The following MYOCD variants were observed in gnomAD, a reference collection of about 807,000 sequenced individuals.
The protein encoded by MYOCD is myocardin.
A neutral mutation model predicts 96.1 loss-of-function variants in MYOCD; 32 were observed. The observed-to-expected ratio is 0.33, with a 90% confidence interval of 0.25 to 0.45. The LOEUF (loss-of-function observed/expected upper bound fraction) is 0.45, where lower values mean the gene tolerates loss of function less well. MYOCD is among the 20% of genes least tolerant of loss of function. The pLI is 1.00. For missense variants in MYOCD, 1,133 were observed against 1,200.6 expected (o/e 0.94, Z 0.83); for synonymous variants, 469 against 469.0 (o/e 1.00, Z 0.00).
chr17:12,702,733 T>A (rs1435592022), intron 1 of MYOCD, among the ~76,000 whole-genome samples: 1 of 151,976 alleles, frequency 6.6e-6, no homozygotes, highest in African/African-American at 2.4e-5. Flanking sequence ...TACAATATAA[T>A]CATTAACTGT....
At chr17:12,701,561 T>G (rs75143017) in intron 1 of MYOCD, among the ~76,000 whole-genome samples, 53 of 152,316 alleles carry the variant, frequency 3.5e-4, no homozygotes, top group East Asian at 2.5e-3. Context: ...TAATCTTTAT[T>G]ATTTCTTATT....
At chr17:12,712,351 G>T (rs962270557) in intron 2 of MYOCD, among the ~76,000 whole-genome samples, 11 of 152,082 alleles carry the variant, frequency 7.2e-5, no homozygotes, top group East Asian at 5.8e-4. Context: ...AGAAGTCAGG[G>T]TCTGCACCAG....
In MYOCD at chr17:12,758,161, C is replaced by T. The variant is rs577950524; in HGVS notation, c.2279C>T (p.Ser760Leu). The change falls in exon 12 of 14, where the codon TCA becomes TTA. Residue 760 changes from serine (S) to leucine (L), a missense_variant. Transcript: ENST00000425538. Reference sequence around the variant, plus strand: ...TCCCCAACTTTTTCTAAGTCAAGTTCAGCAATTTCAGAGGTAACACAGCCT... The same window carrying T: ...TCCCCAACTTTTTCTAAGTCAAGTTTAGCAATTTCAGAGGTAACACAGCCT... The part of the protein sequence containing the change: ...IPSPTFSKSS[S>L]AISEVTQPPS... The T allele has an allele frequency of 3.1e-6, 5 of 1,614,146 alleles. No homozygotes were observed. The African/African-American group carries it at 5.3e-5, about 17-fold the overall frequency.
Position 12,762,978 on chromosome 17 carries a change from G to A in MYOCD, c.2390-95G>A, listed in dbSNP as rs536481153. ...GGTGGTGAGCGGTGACCAGGGAAGC[G>A]TGGCCATCTTCTGTATCTAAGTGTA... On this transcript the variant is annotated intron_variant, in intron 13 of 13. Coordinates refer to ENST00000425538, the MANE Select transcript of MYOCD (RefSeq NM_001146312.3). The A allele has an allele frequency of 1.5e-3, 1,502 of 1,018,376 alleles. 4 individuals are homozygous for A. The highest frequency in any genetic ancestry group is 2.0e-3 in the Non-Finnish European group (1,368 of 692,072). 63.1% of individuals were successfully genotyped at this position (1,018,376 alleles called of 1,614,324 possible).
chr17:12,712,210 G>C (rs1760495219), intron 2 of MYOCD, among the ~76,000 whole-genome samples: 1 of 152,142 alleles, frequency 6.6e-6, no homozygotes, highest in South Asian at 2.1e-4. Flanking sequence ...TGCTGGTCCG[G>C]AAGCTGCACT....
At chr17:12,735,770 G>A (rs1348168651) in intron 5 of MYOCD, among the ~76,000 whole-genome samples, 2 of 152,084 alleles carry the variant, frequency 1.3e-5, no homozygotes, top group African/African-American at 2.4e-5. Context: ...ATCTCTCATC[G>A]TAAAACCCGA....
intron 5 of MYOCD, among the ~76,000 whole-genome samples, chr17:12,727,770 A>T (rs2032042370): frequency 6.6e-6 from 1 of 152,068 alleles, no homozygotes; most frequent in African/African-American, 2.4e-5. Context: ...GACTGTCCCT[A>T]CCCTGGGATT....
chr17:12,766,491 A>C lies in MYOCD; in HGVS notation c.*2847A>C, dbSNP rs2033343999. The C allele has an allele frequency of 6.6e-6, 1 of 152,202 alleles. No homozygotes were observed. The highest frequency in any genetic ancestry group is 2.1e-4 in the South Asian group (1 of 4,830). 9.4% of individuals were successfully genotyped at this position (152,202 alleles called of 1,614,324 possible). On this transcript the variant is annotated 3_prime_UTR_variant, in exon 14 of 14. Coordinates refer to ENST00000425538, the MANE Select transcript of MYOCD (RefSeq NM_001146312.3). ...CAAACCGCATTCACCCTCTCTCTTCATAGCTCAGACATGAAATTTGAGGGA... is the reference window on the plus strand; with the variant it reads ...CAAACCGCATTCACCCTCTCTCTTCCTAGCTCAGACATGAAATTTGAGGGA...
intron 5 of MYOCD, among the ~76,000 whole-genome samples, chr17:12,729,907 C>T (rs962552063): frequency 3.3e-5 from 5 of 152,122 alleles, no homozygotes; most frequent in African/African-American, 1.2e-4. Context: ...CTTTTCCTGA[C>T]TTGTGTGGCC....
intron 5 of MYOCD, among the ~76,000 whole-genome samples, chr17:12,734,223 G>A (rs1280508340): frequency 6.6e-6 from 1 of 152,128 alleles, no homozygotes; most frequent in Admixed American, 6.5e-5. Flanking sequence ...ATCAGAGAAG[G>A]TCCACATGCA....
chr17:12,763,433 C>T lies in MYOCD; in HGVS notation c.2750C>T (p.Ser917Leu). ...CTCTCTCCAATGCAGACACAGTTTT[C>T]ACCCTCTTCTGTGGACAGCAATGGG... ...GPLSPMQTQFSPSSVDSNGLQ... is the reference protein window; with the variant it reads ...GPLSPMQTQFLPSSVDSNGLQ... The change falls in exon 14 of 14, where the codon TCA becomes TTA. Residue 917 changes from serine to leucine, a missense_variant. Physicochemically the swap from Ser to Leu is moderately radical, Grantham distance 145. Coordinates refer to ENST00000425538, the MANE Select transcript of MYOCD (RefSeq NM_001146312.3). 6.2e-7 allele frequency: 1 copy of T among 1,613,248 alleles called. No individual in the cohort carries two copies. The highest frequency in any genetic ancestry group is 8.5e-7 in the Non-Finnish European group (1 of 1,179,532).
At chr17:12,738,464 C>T (rs780863214) in intron 6 of MYOCD, among the ~76,000 whole-genome samples, 1 of 152,136 alleles carries the variant, frequency 6.6e-6, no homozygotes, top group Non-Finnish European at 1.5e-5. Flanking sequence ...CACACAAACA[C>T]ACACACAGAC....
At chr17:12,729,611 CTT>C (rs1186492458) in intron 5 of MYOCD, among the ~76,000 whole-genome samples, 2 of 151,760 alleles carry the variant, frequency 1.3e-5, no homozygotes, top group East Asian at 1.9e-4. Flanking sequence ...AGTTTTTGCT[CTT>C]GTCGCCCAGG....
At chr17:12,683,345 G>A (rs2029902134) in intron 1 of MYOCD, among the ~76,000 whole-genome samples, 1 of 152,148 alleles carries the variant, frequency 6.6e-6, no homozygotes, top group South Asian at 2.1e-4. Context: ...CGTTTCAGAA[G>A]AGAATAAAAG....
At chr17:12,729,547 C>G (rs902221879) in intron 5 of MYOCD, among the ~76,000 whole-genome samples, 1 of 151,722 alleles carries the variant, frequency 6.6e-6, no homozygotes, top group Non-Finnish European at 1.5e-5. Context: ...TGAGGAGCAT[C>G]CTGTCAAAGA....
At chr17:12,729,123 T>C (rs1436038241) in intron 5 of MYOCD, among the ~76,000 whole-genome samples, 1 of 152,232 alleles carries the variant, frequency 6.6e-6, no homozygotes, top group African/African-American at 2.4e-5. Flanking sequence ...TAGGGCTGTT[T>C]GCTTTGGCAT....
At chr17:12,743,486 CTTTTTTT>C (rs373893604) in intron 7 of MYOCD, among the ~76,000 whole-genome samples, 2 of 98,336 alleles carry the variant, frequency 2.0e-5, no homozygotes, top group South Asian at 3.5e-4. Context: ...TATGAAAGTT[CTTTTTTT>C]TTTTTTTTTT....
At chr17:12,678,562 T>C (rs1910245617) in intron 1 of MYOCD, among the ~76,000 whole-genome samples, 1 of 152,170 alleles carries the variant, frequency 6.6e-6, no homozygotes, top group Admixed American at 6.5e-5. Flanking sequence ...GAAAACAAAG[T>C]TTTGAGGATA....
intron 1 of MYOCD, among the ~76,000 whole-genome samples, chr17:12,698,470 C>A (rs2030885928): frequency 6.6e-6 from 1 of 152,174 alleles, no homozygotes; most frequent in South Asian, 2.1e-4. Context: ...ATCTCCCCAG[C>A]TAGCATGTTA....
Sources: gnomAD v4.1 joint callset for allele counts (sites outside exome capture counted in the v4.1 genomes callset) on GRCh38, gnomAD v4.1.1 for gene constraint, MANE v1.5 for transcripts, NCBI Gene and HGNC (gene_info 2026-07-23, HGNC 2026-07-21) for gene names.